TPO: variants seen among roughly 807,000 people sequenced by gnomAD.
TPO encodes thyroid peroxidase, also known as thyroid microsomal antigen.
A neutral mutation model predicts 96.9 loss-of-function variants in TPO; 78 were observed. That is an observed-to-expected ratio of 0.81 (90% confidence interval 0.67 to 0.97). The LOEUF (loss-of-function observed/expected upper bound fraction) is 0.97, where lower values mean the gene tolerates loss of function less well. Ranked by LOEUF, TPO falls within the 50% of genes least tolerant of loss-of-function variation. The pLI, the probability that TPO is intolerant of heterozygous loss-of-function variation, is 0.00. For synonymous variants in TPO, 547 were observed against 538.0 expected, an observed-to-expected ratio of 1.02 and a Z score of -0.23; for missense variants, 1,252 against 1,274.8, an observed-to-expected ratio of 0.98 and a Z score of 0.27.
In TPO at chr2:1,477,232, G is replaced by A. The variant is rs757764246; in HGVS notation, c.966G>A (p.Ser322=). Residue 322 remains serine (S), a synonymous_variant, in exon 8 of 17, where the codon TCG becomes TCA. Transcript: ENST00000329066. ...NPRQQMNGLT[S]FLDASTVYGS... is the part of the protein sequence containing the mutation. ...GGCAGCAGATGAACGGGTTGACCTCGTTCCTGGACGCGTCCACCGTGTATG... is the reference window on the plus strand; with the variant it reads ...GGCAGCAGATGAACGGGTTGACCTCATTCCTGGACGCGTCCACCGTGTATG... 15 of 1,608,898 alleles carry A rather than the reference G, an allele frequency of 9.3e-6. No individual in the cohort carries two copies. The East Asian group carries it at 3.4e-4, about 36-fold the overall frequency.
At chr2:1,528,155 C>G (rs1318549694) in intron 15 of TPO, among the ~76,000 whole-genome samples, 2 of 139,182 alleles carry the variant, frequency 1.4e-5, no homozygotes, top group African/African-American at 2.8e-5. Flanking sequence ...GCAACCCAAC[C>G]AAATCTCACC....
chr2:1,493,633 G>C (rs1215027251), intron 10 of TPO, among the ~76,000 whole-genome samples, 169 bp from the exon 11 acceptor site: 1 of 149,806 alleles, frequency 6.7e-6, no homozygotes, highest in African/African-American at 2.5e-5. Context: ...ACTCTGCCGG[G>C]CGTCGGAGCT....
intron 8 of TPO, among the ~76,000 whole-genome samples, chr2:1,481,851 G>A (rs1310571691): frequency 6.6e-6 from 1 of 152,106 alleles, no homozygotes; most frequent in African/African-American, 2.4e-5. Flanking sequence ...CCTCTCCAGG[G>A]GTAGCTGTGG....
chr2:1,455,280 G>A (rs899862955), intron 6 of TPO, among the ~76,000 whole-genome samples: 9 of 152,154 alleles, frequency 5.9e-5, no homozygotes, highest in South Asian at 2.1e-4. Flanking sequence ...GATGTTGTGC[G>A]AGAGGCATTT....
intron 1 of TPO, among the ~76,000 whole-genome samples, chr2:1,404,311 G>A (rs1386428860): frequency 6.6e-6 from 1 of 152,072 alleles, no homozygotes; most frequent in Non-Finnish European, 1.5e-5. Flanking sequence ...TACATCTTTG[G>A]TACCCAAAGA....
intron 15 of TPO, among the ~76,000 whole-genome samples, chr2:1,533,965 ACT>A (rs1363980638): frequency 5.1e-5 from 4 of 78,924 alleles, no homozygotes; most frequent in Admixed American, 3.3e-4. Flanking sequence ...AATCCCCACC[ACT>A]CTGTGCAACC....
chr2:1,542,429 T>C lies in TPO; in HGVS notation c.2757T>C (p.Ala919=), dbSNP rs1680867332. Residue 919 remains alanine, a synonymous_variant, in exon 17 of 17, where the codon GCT becomes GCC. Coordinates refer to ENST00000329066, the MANE Select transcript of TPO (RefSeq NM_001206744.2). ...AAAQDSEQES[A]GMEGRDTHRL... is the part of the protein sequence containing the mutation. ...GTTCTGCATTTTTGCAGGAGAGTGC[T>C]GGGATGGAAGGCCGGGATACTCACA... is the stretch of plus-strand genomic sequence containing the variant. 6.2e-7 allele frequency: 1 copy of C among 1,614,178 alleles called. No individual in the cohort carries two copies. Among genetic ancestry groups the C allele is most frequent in the Non-Finnish European group, 8.5e-7 (1 of 1,180,030 alleles).
At chr2:1,423,472 A>G (rs1445123689) in intron 3 of TPO, among the ~76,000 whole-genome samples, 4 of 152,182 alleles carry the variant, frequency 2.6e-5, no homozygotes, top group Non-Finnish European at 5.9e-5. Flanking sequence ...TAGATCCCAG[A>G]TCTTTGGTGT....
intron 5 of TPO, among the ~76,000 whole-genome samples, chr2:1,442,503 A>G (rs1666297395): frequency 6.6e-6 from 1 of 152,348 alleles, no homozygotes; most frequent in Admixed American, 6.5e-5. Context: ...GACAGTATTC[A>G]TTATATGATA....
chr2:1,401,930 C>T (rs1466272267), intron 1 of TPO, among the ~76,000 whole-genome samples: 1 of 152,184 alleles, frequency 6.6e-6, no homozygotes, highest in Non-Finnish European at 1.5e-5. Flanking sequence ...CGCGAGCCAG[C>T]CATTTACTCA....
intron 7 of TPO, among the ~76,000 whole-genome samples, chr2:1,471,442 C>CA (rs941508473): frequency 2.0e-5 from 3 of 149,386 alleles, no homozygotes; most frequent in African/African-American, 7.4e-5. Context: ...TTCCTGTGAC[C>CA]CCCCCCCACA....
intron 15 of TPO, among the ~76,000 whole-genome samples, chr2:1,531,050 A>C (rs1678042243): frequency 2.4e-5 from 1 of 42,422 alleles, no homozygotes; most frequent in East Asian, 6.9e-4. Context: ...ACCCCCCCAA[A>C]TACCCCCACT....
At position 1,542,510 on chromosome 2, in the gene TPO, G is replaced by A. The variant is rs2125364680; in HGVS notation, c.*36G>A. 2 of 1,613,610 alleles carry A rather than the reference G, an allele frequency of 1.2e-6. No individual in the cohort carries two copies. The highest frequency in any genetic ancestry group is 1.3e-5 in the African/African-American group (1 of 75,078). ...GCAGGACACTGCAGAACAGCTTCAT[G>A]TTCCCAAAATCACCGTACGACTCTT... On this transcript the variant is annotated 3_prime_UTR_variant, in exon 17 of 17. Transcript: ENST00000329066.
In TPO at chr2:1,494,035, G is replaced by A; in HGVS notation, c.2002G>A (p.Asp668Asn). 1 of 1,613,890 alleles carries A rather than the reference G, an allele frequency of 6.2e-7. No homozygotes were observed. Among genetic ancestry groups the A allele is most frequent in the Non-Finnish European group, 8.5e-7 (1 of 1,179,850 alleles). Residue 668 changes from aspartate to asparagine, a missense_variant, in exon 11 of 17, where the codon GAC (aspartate) becomes AAC (asparagine). Asp to Asn is a conservative substitution (Grantham distance 23). Coordinates refer to ENST00000329066, the MANE Select transcript of TPO (RefSeq NM_001206744.2). Reference protein sequence around the residue: ...GKQMKALRDGDWFWWENSHVF... With the variant: ...GKQMKALRDGNWFWWENSHVF... ...GCAGATGAAGGCTCTGCGGGACGGTGACTGGTACGTTCCTATCCAGAGCGT... is the reference window on the plus strand; with the variant it reads ...GCAGATGAAGGCTCTGCGGGACGGTAACTGGTACGTTCCTATCCAGAGCGT...
intron 8 of TPO, among the ~76,000 whole-genome samples, chr2:1,482,186 C>T (rs1478043462): frequency 1.3e-5 from 2 of 152,220 alleles, no homozygotes; most frequent in Non-Finnish European, 2.9e-5. Context: ...TGTTTCCCAC[C>T]GTCGGTGACA....
chr2:1,496,556 C>G, intron 12 of TPO, 39 bp from the exon 13 acceptor site: 1 of 1,612,432 alleles, frequency 6.2e-7, no homozygotes. Flanking sequence ...TTTCTTTTCT[C>G]GTAGTTTGAC....
intron 15 of TPO, among the ~76,000 whole-genome samples, chr2:1,521,951 G>A (rs1027246966): frequency 6.6e-6 from 1 of 152,034 alleles, no homozygotes; most frequent in African/African-American, 2.4e-5. Flanking sequence ...TGGCTGCCAG[G>A]CTCATCTGCT....
At chr2:1,479,466 C>A (rs545130339) in intron 8 of TPO, among the ~76,000 whole-genome samples, 1 of 152,210 alleles carries the variant, frequency 6.6e-6, no homozygotes, top group Non-Finnish European at 1.5e-5. Context: ...TTGGTTTGAA[C>A]CTTCTTTGAG....
Position 1,484,894 on chromosome 2 carries a change from C to A in TPO, c.1597+40C>A, listed in dbSNP as rs531320615. The A allele has an allele frequency of 1.1e-5, 18 of 1,610,136 alleles. No individual in the cohort carries two copies. In the African/African-American group the frequency reaches 2.3e-4, roughly 20 times the overall value. ...TCCCTGCAGCTGGTCCCCATGAACT[C>A]TTCCTTCTTTTTTTAATTTTTTTAA... On this transcript the variant is annotated intron_variant, in intron 9 of 16. Transcript: ENST00000329066.
Sources: gnomAD v4.1 joint callset for allele counts (sites outside exome capture counted in the v4.1 genomes callset) on GRCh38, gnomAD v4.1.1 for gene constraint, MANE v1.5 for transcripts, NCBI Gene and HGNC (gene_info 2026-07-23, HGNC 2026-07-21) for gene names.